Variants in DDX6 observed in about 807,000 individuals in gnomAD.
DDX6 encodes the protein probable ATP-dependent RNA helicase DDX6.
In DDX6, 7 loss-of-function variants were observed where a neutral mutation model predicts 60.6. The observed-to-expected ratio is 0.12, with a 90% confidence interval of 0.07 to 0.22. DDX6 has a LOEUF of 0.22. DDX6 is among the 10% of genes least tolerant of loss of function. DDX6 has a pLI of 1.00. For synonymous variants in DDX6, 207 were observed against 201.0 expected (o/e 1.03, Z -0.25); for missense variants, 270 against 589.9 (o/e 0.46, Z 5.62).
intron 13 of DDX6, among the ~76,000 whole-genome samples, chr11:118,752,666 A>G (rs1860816494): frequency 6.6e-6 from 1 of 152,114 alleles, no homozygotes; most frequent in Non-Finnish European, 1.5e-5. Context: ...AATAGGTAAG[A>G]TGTTCACCTA....
At chr11:118,756,476 C>A (rs1049052008) in intron 10 of DDX6, among the ~76,000 whole-genome samples, 153 bp from the exon 11 acceptor site, 4 of 152,140 alleles carry the variant, frequency 2.6e-5, no homozygotes, top group African/African-American at 9.7e-5. Context: ...GAGTTAAGTT[C>A]TTGATATCTT....
At chr11:118,768,384 C>T (rs1555161713) in intron 4 of DDX6, 32 bp from the exon 5 acceptor site, 1 of 1,608,698 alleles carries the variant, frequency 6.2e-7, no homozygotes, top group Non-Finnish European at 8.5e-7. Flanking sequence ...AAAATTACTT[C>T]TGAATGTAGT....
chr11:118,756,982 G>A (rs1040610371), intron 10 of DDX6, among the ~76,000 whole-genome samples, 189 bp downstream of exon 10: 2 of 152,126 alleles, frequency 1.3e-5, no homozygotes, highest in African/African-American at 4.8e-5. Flanking sequence ...AACCTTGTAA[G>A]TTATGAATAT....
At chr11:118,763,149 G>A (rs1326431049) in intron 7 of DDX6, 63 bp downstream of exon 7, 1 of 1,089,178 alleles carries the variant, frequency 9.2e-7, no homozygotes, top group Non-Finnish European at 1.3e-6. Flanking sequence ...TTCATTCACT[G>A]GCAGTTATAA....
Position 118,751,888 on chromosome 11 carries a change from G to A in DDX6, c.*217C>T, listed in dbSNP as rs1555157473. ...CAGCAGTTAGTGCAACTAATGTTCAGTCAGCACACAGTGCAAACAAGTGGA... is the reference window on the plus strand; with the variant it reads ...CAGCAGTTAGTGCAACTAATGTTCAATCAGCACACAGTGCAAACAAGTGGA... On this transcript the variant is annotated 3_prime_UTR_variant, in exon 14 of 14. Transcript: ENST00000534980. 2 of 441,644 alleles carry A rather than the reference G, an allele frequency of 4.5e-6. No homozygotes were observed. The highest frequency in any genetic ancestry group is 9.1e-6 in the Non-Finnish European group (2 of 220,806). 27.4% of individuals were successfully genotyped at this position (441,644 alleles called of 1,614,324 possible). A position where few individuals can be genotyped will look rare whatever the true frequency, so the allele number is the denominator to read the frequency against.
intron 11 of DDX6, 92 bp downstream of exon 11, chr11:118,756,168 A>G: frequency 2.1e-6 from 2 of 935,730 alleles, no homozygotes; most frequent in Non-Finnish European, 3.4e-6. Flanking sequence ...GTGTCGGACT[A>G]TGTCACAGGT....
At chr11:118,765,786 G>T (rs1555161185) in intron 5 of DDX6, among the ~76,000 whole-genome samples, 1 of 14,518 alleles carries the variant, frequency 6.9e-5, no homozygotes, top group Non-Finnish European at 1.1e-4. Context: ...AAGAAAGAAA[G>T]AAAAAAAAAA....
intron 4 of DDX6, 108 bp downstream of exon 4, chr11:118,779,524 A>G (rs1861817510): frequency 3.0e-6 from 2 of 674,844 alleles, no homozygotes; most frequent in Admixed American, 3.1e-5. Context: ...AAGTGTGTAT[A>G]CGTGAGAGAG....
chr11:118,766,714 C>G (rs1861367037), intron 5 of DDX6, among the ~76,000 whole-genome samples: 2 of 151,946 alleles, frequency 1.3e-5, no homozygotes, highest in Admixed American at 1.3e-4. Flanking sequence ...CTGCCTCAGC[C>G]TACTGAGTAA....
intron 1 of DDX6, chr11:118,788,165 G>C (rs1163651488): frequency 6.6e-6 from 1 of 151,954 alleles, no homozygotes; most frequent in Non-Finnish European, 1.5e-5. Flanking sequence ...AAAATTAACT[G>C]GGCGTGGTGG....
Position 118,781,185 on chromosome 11 carries a change from C to A in DDX6, c.201-1G>T. 2 of 1,594,746 alleles carry A rather than the reference C, an allele frequency of 1.3e-6. No individual in the cohort carries two copies. Among genetic ancestry groups the A allele is most frequent in the South Asian group, 2.2e-5 (2 of 89,112 alleles). Reference sequence around the variant, plus strand: ...AGTCTTTTTCCAGTCATCACCAGGTCTAGAGAGAATACAGTAAACTTGAAG... The same window carrying A: ...AGTCTTTTTCCAGTCATCACCAGGTATAGAGAGAATACAGTAAACTTGAAG... On this transcript the variant is annotated splice_acceptor_variant, in intron 2 of 13. Coordinates refer to ENST00000534980, the MANE Select transcript of DDX6 (RefSeq NM_004397.6). LOFTEE classifies it high-confidence loss of function.
At chr11:118,770,905 GAAA>G (rs1861515101) in intron 4 of DDX6, among the ~76,000 whole-genome samples, 1 of 150,878 alleles carries the variant, frequency 6.6e-6, no homozygotes, top group African/African-American at 2.4e-5. Context: ...AAAAGAGAGA[GAAA>G]AGAAAAGAAA....
At chr11:118,783,170 G>A (rs1861958513) in intron 2 of DDX6, among the ~76,000 whole-genome samples, 1 of 152,162 alleles carries the variant, frequency 6.6e-6, no homozygotes, top group Admixed American at 6.5e-5. Context: ...ATGGAAGAGA[G>A]GGCAGAGAAA....
chr11:118,780,114 C>CAAAAAAAAAAAAAAAAA (rs71044492), intron 3 of DDX6, among the ~76,000 whole-genome samples: 1 of 40,286 alleles, frequency 2.5e-5, no homozygotes, highest in Non-Finnish European at 4.2e-5. Context: ...GACTCTATCT[C>CAAAAAAAAAAAAAAAAA]AAAAAAAAAA....
chr11:118,765,159 G>T (rs1555161039), intron 6 of DDX6, 50 bp downstream of exon 6: 4 of 1,576,100 alleles, frequency 2.5e-6, no homozygotes, highest in East Asian at 2.3e-5. Flanking sequence ...TGAAATACTT[G>T]TGACTAAAAT....
chr11:118,758,925 A>T, intron 8 of DDX6, 23 bp from the exon 9 acceptor site: 1 of 1,612,834 alleles, frequency 6.2e-7, no homozygotes, highest in Non-Finnish European at 8.5e-7. Flanking sequence ...CGGGAAAAAG[A>T]TGAGTCGTCG....
chr11:118,766,522 A>C (rs1201821112), intron 5 of DDX6, among the ~76,000 whole-genome samples: 1 of 152,194 alleles, frequency 6.6e-6, no homozygotes, highest in African/African-American at 2.4e-5. Context: ...TCTCTTTATG[A>C]AAAGAGAACC....
At chr11:118,765,884 A>G (rs1861336311) in intron 5 of DDX6, among the ~76,000 whole-genome samples, 1 of 152,068 alleles carries the variant, frequency 6.6e-6, no homozygotes. Flanking sequence ...CGGGAGTTTG[A>G]GACCAGCCTG....
chr11:118,767,266 A>G (rs1193670190), intron 5 of DDX6, among the ~76,000 whole-genome samples: 1 of 152,196 alleles, frequency 6.6e-6, no homozygotes, highest in Non-Finnish European at 1.5e-5. Context: ...ATATTTCTAA[A>G]AGCCCCAACT....
Sources: allele counts gnomAD v4.1 joint callset (sites outside exome capture counted in the v4.1 genomes callset), GRCh38; gene constraint gnomAD v4.1.1; transcripts MANE v1.5; gene names NCBI Gene and HGNC (gene_info 2026-07-23, HGNC 2026-07-21).